Variants in AKT3 observed in about 807,000 individuals in gnomAD.
AKT3 encodes RAC-gamma serine/threonine-protein kinase.
A neutral mutation model predicts 65.3 loss-of-function variants in AKT3; 15 were observed. The ratio of observed to expected loss-of-function variants is 0.23; its 90% confidence interval spans 0.15 to 0.35. AKT3 has a LOEUF of 0.35. Ranked by LOEUF, AKT3 falls within the 10% of genes least tolerant of loss-of-function variation. The pLI, the probability that AKT3 is intolerant of heterozygous loss-of-function variation, is 1.00. For missense variants in AKT3, 243 were observed against 576.5 expected, an observed-to-expected ratio of 0.42 and a Z score of 5.92; for synonymous variants, 206 against 183.8, an observed-to-expected ratio of 1.12 and a Z score of -0.98.
At chr1:243,626,053 C>G (rs1044805452) in intron 6 of AKT3, among the ~76,000 whole-genome samples, 1 of 152,170 alleles carries the variant, frequency 6.6e-6, no homozygotes. Context: ...TCATGGTCAT[C>G]AGGATGTTTG....
chr1:243,647,877 G>A (rs1680960799), intron 4 of AKT3, among the ~76,000 whole-genome samples: 1 of 152,144 alleles, frequency 6.6e-6, no homozygotes. Context: ...GTAAGTTGTA[G>A]ATCTTCTATA....
intron 13 of AKT3, among the ~76,000 whole-genome samples, chr1:243,511,183 A>C (rs1669989876): frequency 1.3e-5 from 2 of 152,262 alleles, no homozygotes; most frequent in Admixed American, 6.5e-5. Context: ...TCAAGTTGGT[A>C]AGCCCTGCTT....
intron 12 of AKT3, among the ~76,000 whole-genome samples, chr1:243,519,932 G>A (rs1419668969): frequency 2.0e-5 from 3 of 152,126 alleles, no homozygotes; most frequent in African/African-American, 4.8e-5. Flanking sequence ...TGAACTTGAC[G>A]GAGCTTATGT....
intron 10 of AKT3, among the ~76,000 whole-genome samples, chr1:243,553,838 T>A (rs546408683): frequency 8.5e-4 from 129 of 152,310 alleles, no homozygotes; most frequent in Non-Finnish European, 1.0e-3. Context: ...AATGGAATAT[T>A]CCTCATCTAT....
At chr1:243,516,062 A>G (rs12408951) in intron 12 of AKT3, among the ~76,000 whole-genome samples, 24,557 of 152,130 alleles carry the variant, frequency 0.16, 2,175 homozygotes, top group East Asian at 0.27. Context: ...CTCATCTTCA[A>G]TTTTCTGGAA....
At chr1:243,555,638 G>A (rs1002453366) in intron 10 of AKT3, among the ~76,000 whole-genome samples, 6 of 151,916 alleles carry the variant, frequency 3.9e-5, no homozygotes, top group African/African-American at 1.5e-4. Context: ...CTAGCTAAAA[G>A]GCTAATTTAT....
At chr1:243,711,013 T>C (rs1021074185) in intron 2 of AKT3, among the ~76,000 whole-genome samples, 3 of 152,208 alleles carry the variant, frequency 2.0e-5, no homozygotes, top group African/African-American at 4.8e-5. Context: ...AAAAATAATT[T>C]TGTAGAACAA....
intron 12 of AKT3, 96 bp from the exon 13 acceptor site, chr1:243,512,522 G>T: frequency 1.3e-6 from 1 of 753,858 alleles, no homozygotes; most frequent in Non-Finnish European, 2.1e-6. Context: ...TAAATGAACA[G>T]AACAAAAGTC....
Position 243,505,052 on chromosome 1 carries a change from A to C in AKT3, c.*197T>G. On this transcript the variant is annotated 3_prime_UTR_variant, in exon 14 of 14. Coordinates refer to ENST00000673466, the MANE Select transcript of AKT3 (RefSeq NM_005465.7). ...CTTAGACTGAGATACAATTTCATGC[A>C]AAAACAAAAACTGGAGTGTATTTGC... 1.8e-6 allele frequency: 1 copy of C among 552,068 alleles called. No individual in the cohort carries two copies. Among genetic ancestry groups the C allele is most frequent in the Non-Finnish European group, 3.2e-6 (1 of 311,302 alleles). The allele number at this position is 552,068 out of a possible 1,614,324, so 34.2% of individuals were successfully genotyped here. A position where few individuals can be genotyped will look rare whatever the true frequency, so the allele number is the denominator to read the frequency against.
chr1:243,719,757 G>T (rs1686757485), intron 2 of AKT3, among the ~76,000 whole-genome samples: 1 of 152,078 alleles, frequency 6.6e-6, no homozygotes, highest in African/African-American at 2.4e-5. Flanking sequence ...ACTGAACACA[G>T]ATGTTCATGA....
At chr1:243,608,743 CTTTTTTTTTT>C (rs566574203) in intron 8 of AKT3, among the ~76,000 whole-genome samples, 4 of 70,804 alleles carry the variant, frequency 5.6e-5, no homozygotes, top group African/African-American at 2.0e-4. Context: ...AAGTTTTTTG[CTTTTTTTTTT>C]TTTTTTTTTT....
intron 2 of AKT3, among the ~76,000 whole-genome samples, chr1:243,752,612 T>C (rs886221269): frequency 6.6e-6 from 1 of 152,258 alleles, no homozygotes; most frequent in African/African-American, 2.4e-5. Context: ...CTTTTCATTT[T>C]ATTTTTTCAA....
At chr1:243,813,351 C>A (rs1466127270) in intron 2 of AKT3, among the ~76,000 whole-genome samples, 1 of 151,868 alleles carries the variant, frequency 6.6e-6, no homozygotes, top group Non-Finnish European at 1.5e-5. Flanking sequence ...TGATATAAAA[C>A]CCTCAAAAAA....
At chr1:243,581,336 A>G (rs187186738) in intron 8 of AKT3, among the ~76,000 whole-genome samples, 145 of 152,356 alleles carry the variant, frequency 9.5e-4, no homozygotes, top group Middle Eastern at 3.4e-3. Context: ...AGCTTCTGCC[A>G]GTAAACAAGT....
intron 6 of AKT3, among the ~76,000 whole-genome samples, chr1:243,616,531 C>T (rs959817865): frequency 6.6e-6 from 1 of 151,940 alleles, no homozygotes; most frequent in Non-Finnish European, 1.5e-5. Context: ...AAAGAAGAAA[C>T]GAAAGGAAGA....
chr1:243,654,450 T>C (rs1339778244), intron 4 of AKT3, among the ~76,000 whole-genome samples: 2 of 152,178 alleles, frequency 1.3e-5, no homozygotes, highest in African/African-American at 2.4e-5. Context: ...GGTTAGTTAT[T>C]ATAGGTGTGC....
intron 4 of AKT3, among the ~76,000 whole-genome samples, chr1:243,656,103 CG>C (rs530798332): frequency 2.3e-4 from 4 of 17,212 alleles, no homozygotes; most frequent in African/African-American, 6.7e-4. Context: ...GAGGGTGTGG[CG>C]GGGGGGTGTG....
chr1:243,745,758 A>C (rs1256147490), intron 2 of AKT3, among the ~76,000 whole-genome samples: 1 of 152,186 alleles, frequency 6.6e-6, no homozygotes, highest in African/African-American at 2.4e-5. Flanking sequence ...CAGGGAAGTC[A>C]AAAGACTGGA....
intron 6 of AKT3, among the ~76,000 whole-genome samples, chr1:243,636,843 G>A (rs1251136771): frequency 6.6e-6 from 1 of 152,132 alleles, no homozygotes; most frequent in African/African-American, 2.4e-5. Context: ...ACTTGTAAAG[G>A]AGTTGAGGTC....
Sources: gnomAD v4.1 joint callset for allele counts (sites outside exome capture counted in the v4.1 genomes callset) on GRCh38, gnomAD v4.1.1 for gene constraint, MANE v1.5 for transcripts, NCBI Gene and HGNC (gene_info 2026-07-23, HGNC 2026-07-21) for gene names.